TRAPPC9: variants seen among roughly 807,000 people sequenced by gnomAD.
The protein encoded by TRAPPC9 is IKK2 binding protein.
A neutral mutation model predicts 124.0 loss-of-function variants in TRAPPC9; 83 were observed. That is an observed-to-expected ratio of 0.67 (90% CI 0.56 to 0.80). The LOEUF is 0.80. Ranked by LOEUF, TRAPPC9 falls within the 30% of genes least tolerant of loss-of-function variation. TRAPPC9 has a pLI of 0.00. For synonymous variants in TRAPPC9, 638 were observed against 617.5 expected (o/e 1.03, Z -0.49); for missense variants, 1,302 against 1,508.3 (o/e 0.86, Z 2.27).
chr8:139,933,903 G>A (rs1833355898), intron 19 of TRAPPC9: 1 of 152,124 alleles, frequency 6.6e-6, no homozygotes, highest in South Asian at 2.1e-4. Flanking sequence ...TGTCACGAAG[G>A]ATTAAGGTAA....
intron 21 of TRAPPC9, among the ~76,000 whole-genome samples, chr8:139,756,551 G>A (rs1481255228): frequency 1.4e-5 from 2 of 143,768 alleles, no homozygotes; most frequent in African/African-American, 2.6e-5. Flanking sequence ...GCCAGGGTTT[G>A]GGGATGAGGA....
intron 16 of TRAPPC9, among the ~76,000 whole-genome samples, chr8:140,246,750 C>T (rs1381031597): frequency 2.0e-5 from 3 of 152,074 alleles, no homozygotes; most frequent in African/African-American, 7.2e-5. Context: ...TTTGGGAGGC[C>T]GAGGCGGGCG....
rs1043999873 is a variant in TRAPPC9, at chr8:140,087,999, G to C, written c.2557-63920C>G. Among the ~76,000 whole-genome samples, 1 of 151,948 alleles carries C rather than the reference G, an allele frequency of 6.6e-6. No individual in the cohort carries two copies. The highest frequency in any genetic ancestry group is 2.4e-5 in the African/African-American group (1 of 41,348). Reference sequence around the variant, plus strand: ...AAGATGTGGCTTACCAGAGCCCCTAGCTCTTTAGATGGCTATCTCTTTCTC... The same window carrying C: ...AAGATGTGGCTTACCAGAGCCCCTACCTCTTTAGATGGCTATCTCTTTCTC... On this transcript the variant is annotated intron_variant, in intron 17 of 22. Transcript: ENST00000438773. This position sits in a 1 kb window ranked among gnomAD's most constrained non-coding sequence, Gnocchi z 4.6.
chr8:139,901,676 T>C (rs927978515), intron 20 of TRAPPC9, among the ~76,000 whole-genome samples: 1 of 152,216 alleles, frequency 6.6e-6, no homozygotes, highest in Non-Finnish European at 1.5e-5. Context: ...GCCATCTCCA[T>C]AGGCTTCCTC....
intron 9 of TRAPPC9, among the ~76,000 whole-genome samples, chr8:140,314,562 G>T (rs565941484): frequency 6.6e-6 from 1 of 152,224 alleles, no homozygotes; most frequent in East Asian, 1.9e-4. Flanking sequence ...CCTAACTAGA[G>T]CATTGTATCC....
chr8:140,050,586 T>C (rs1438388430), intron 17 of TRAPPC9, among the ~76,000 whole-genome samples: 1 of 152,088 alleles, frequency 6.6e-6, no homozygotes, highest in South Asian at 2.1e-4. Flanking sequence ...CTGGGTCTCA[T>C]GGTCCCCTGA....
intron 21 of TRAPPC9, among the ~76,000 whole-genome samples, chr8:139,857,434 T>G (rs1457485126): frequency 1.3e-5 from 2 of 152,164 alleles, no homozygotes; most frequent in East Asian, 3.9e-4. Context: ...CAGTCCCCAT[T>G]TTATCTCCAC....
chr8:139,994,302 G>A (rs1392609272), intron 18 of TRAPPC9, among the ~76,000 whole-genome samples: 1 of 152,242 alleles, frequency 6.6e-6, no homozygotes, highest in African/African-American at 2.4e-5. Flanking sequence ...CTTCTGTGGA[G>A]CCGAGAGGAT....
rs534952523 is a variant in TRAPPC9 at position 139,736,283 on chromosome 8, G to C, written c.3056-4081C>G. Among the ~76,000 whole-genome samples, 5 of 152,356 alleles carry C rather than the reference G, an allele frequency of 3.3e-5. No individual in the cohort carries two copies. The South Asian group carries it at 1.0e-3, about 32-fold the overall frequency. ...AACTATCCCAGTTTGCCCAGGGCTA[G>C]TTTGGCTTTTAGCCTGCATTGCAGG... On this transcript the variant is annotated intron_variant, in intron 21 of 22. Transcript: ENST00000438773.
At chr8:140,271,954 GATGGTGCTTGTGAGGATGGCAGTA>G (rs1364335029) in intron 15 of TRAPPC9, among the ~76,000 whole-genome samples, 4 of 152,022 alleles carry the variant, frequency 2.6e-5, no homozygotes, top group Non-Finnish European at 5.9e-5. Context: ...CAGTGATGGT[GATGGTGCTTGTGAGGATGGCAGTA>G]ATGGTGGTGG....
intron 17 of TRAPPC9, among the ~76,000 whole-genome samples, chr8:140,077,349 T>C (rs1843569229): frequency 6.6e-6 from 1 of 152,182 alleles, no homozygotes; most frequent in Admixed American, 6.5e-5. Flanking sequence ...TGAATGAACA[T>C]AATCCTTGCT....
Position 139,988,717 on chromosome 8 carries a change from G to A in TRAPPC9, c.2810+9C>T. ...CCTGCGGCGGCGCGAGGGTCTATGG[G>A]ACACTTACCGCTGGCACTCACCGGC... On this transcript the variant is annotated intron_variant, in intron 19 of 22. Transcript: ENST00000438773. The A allele has an allele frequency of 6.5e-7, 1 of 1,542,310 alleles. No homozygotes were observed. Among genetic ancestry groups the A allele is most frequent in the Non-Finnish European group, 8.8e-7 (1 of 1,140,256 alleles).
chr8:139,736,581 G>T (rs911845355), intron 21 of TRAPPC9, among the ~76,000 whole-genome samples: 4 of 152,204 alleles, frequency 2.6e-5, no homozygotes, highest in African/African-American at 9.6e-5. Context: ...TTGTCCGAGA[G>T]CATTAAGCTT....
chr8:140,287,530 C>A (rs1402184873), intron 13 of TRAPPC9, 78 bp downstream of exon 13: 2 of 1,578,178 alleles, frequency 1.3e-6, no homozygotes, highest in Non-Finnish European at 1.7e-6. Flanking sequence ...GACGGGCGAT[C>A]GGCTCTGGAC....
intron 16 of TRAPPC9, among the ~76,000 whole-genome samples, chr8:140,226,384 G>A (rs2063452271): frequency 6.6e-6 from 1 of 152,068 alleles, no homozygotes; most frequent in African/African-American, 2.4e-5. Flanking sequence ...TTCAGGTCAG[G>A]AGTTTAAGAC....
intron 19 of TRAPPC9, among the ~76,000 whole-genome samples, chr8:139,954,264 C>T (rs982656526): frequency 6.6e-6 from 1 of 152,154 alleles, no homozygotes; most frequent in African/African-American, 2.4e-5. Context: ...GTGTACACTT[C>T]CGTATGTGTA....
chr8:140,076,277 C>T (rs1843505605), intron 17 of TRAPPC9, among the ~76,000 whole-genome samples: 1 of 152,170 alleles, frequency 6.6e-6, no homozygotes, highest in Non-Finnish European at 1.5e-5. Flanking sequence ...CCCGGAGAGC[C>T]TCGAAAAGAG....
chr8:139,985,572 A>G (rs1430652476), intron 19 of TRAPPC9, among the ~76,000 whole-genome samples: 1 of 151,848 alleles, frequency 6.6e-6, no homozygotes, highest in African/African-American at 2.4e-5. Context: ...GCATACCCAC[A>G]CCCAAGTGAC....
chr8:140,443,485 T>A (rs951479916), intron 2 of TRAPPC9, among the ~76,000 whole-genome samples: 2 of 151,674 alleles, frequency 1.3e-5, no homozygotes, highest in Non-Finnish European at 2.9e-5. Flanking sequence ...CTACAGCCCA[T>A]AATTTTGCAC....
Sources: allele counts gnomAD v4.1 joint callset (sites outside exome capture counted in the v4.1 genomes callset), GRCh38; gene constraint gnomAD v4.1.1; non-coding constraint Gnocchi (gnomAD v3.1); transcripts MANE v1.5; gene names NCBI Gene and HGNC (gene_info 2026-07-23, HGNC 2026-07-21).